The following EEF1E1 variants were observed in gnomAD, a reference collection of about 807,000 sequenced individuals.
EEF1E1 encodes the protein eukaryotic translation elongation factor 1 epsilon 1.
EEF1E1 carries 19 observed loss-of-function variants against 19.9 expected under a neutral mutation model. The observed-to-expected ratio is 0.95, with a 90% CI of 0.66 to 1.40. The LOEUF (loss-of-function observed/expected upper bound fraction) is 1.40, where lower values mean the gene tolerates loss of function less well. Among genes scored for constraint, EEF1E1 ranks in the 40% most tolerant of loss-of-function variants. The pLI, the probability that EEF1E1 is intolerant of heterozygous loss-of-function variation, is 0.00. For synonymous variants in EEF1E1, 81 were observed against 80.0 expected (o/e 1.01, Z -0.07); for missense variants, 198 against 202.2 (o/e 0.98, Z 0.13).
chr6:8,080,181 G>A, intron 3 of EEF1E1, 151 bp from the exon 4 acceptor site: 1 of 815,582 alleles, frequency 1.2e-6, no homozygotes, highest in Non-Finnish European at 1.9e-6. Flanking sequence ...AGGAGTAAAA[G>A]TTTCAGCCCA....
At chr6:8,088,937 C>A (rs923576382) in intron 3 of EEF1E1, among the ~76,000 whole-genome samples, 1 of 143,572 alleles carries the variant, frequency 7.0e-6, no homozygotes, top group Non-Finnish European at 1.5e-5. Context: ...TTGGAAGTAT[C>A]CCTGGGAGAA....
At chr6:8,101,777 C>T (rs2113673496) in intron 1 of EEF1E1, 1 of 1,289,372 alleles carries the variant, frequency 7.8e-7, no homozygotes, top group Admixed American at 2.3e-5. Context: ...TGTGATGTTT[C>T]CCGCATTCAC....
rs775855701 is a variant in EEF1E1 at position 8,079,736 on chromosome 6, T to G, written c.*154A>C. On this transcript the variant is annotated 3_prime_UTR_variant, in exon 4 of 4. Transcript: ENST00000379715. ...TGCAAAACTTCAGCTAAAGAACAAA[T>G]AAAACATTCAGACACAAGTTTACAC... 3.7e-5 allele frequency: 48 copies of G among 1,289,586 alleles called. No individual in the cohort carries two copies. Among genetic ancestry groups the G allele is most frequent in the Non-Finnish European group, 4.3e-5 (44 of 1,016,004 alleles). 79.9% of individuals were successfully genotyped at this position (1,289,586 alleles called of 1,614,324 possible). A position where few individuals can be genotyped will look rare whatever the true frequency, so the allele number is the denominator to read the frequency against.
At chr6:8,100,944 G>A (rs1329104917) in intron 1 of EEF1E1, among the ~76,000 whole-genome samples, 1 of 147,704 alleles carries the variant, frequency 6.8e-6, no homozygotes, top group South Asian at 2.2e-4. Context: ...ATATAAACTA[G>A]GCCAGGCACA....
At chr6:8,088,491 C>G (rs1757928623) in intron 3 of EEF1E1, among the ~76,000 whole-genome samples, 1 of 152,138 alleles carries the variant, frequency 6.6e-6, no homozygotes, top group Non-Finnish European at 1.5e-5. Context: ...GTGAATAAGT[C>G]TCATGAGATC....
At chr6:8,073,549 G>T in intron 3 of EEF1E1, 2 of 1,551,250 alleles carry the variant, frequency 1.3e-6, no homozygotes, top group Admixed American at 3.9e-5. Flanking sequence ...TTCACTTAAA[G>T]CACTTAGAAT....
intron 3 of EEF1E1, among the ~76,000 whole-genome samples, chr6:8,081,828 C>T (rs1373338440): frequency 6.6e-6 from 1 of 152,214 alleles, no homozygotes; most frequent in East Asian, 1.9e-4. Flanking sequence ...TTTACTCCAA[C>T]TTGATTTCAT....
chr6:8,092,014 T>C (rs1237066558), intron 2 of EEF1E1, among the ~76,000 whole-genome samples: 4 of 152,212 alleles, frequency 2.6e-5, no homozygotes, highest in Admixed American at 6.5e-5. Context: ...ATGCAGTGTC[T>C]GGTAAGGGCT....
chr6:8,097,719 TATA>T (rs1758212784), intron 1 of EEF1E1, among the ~76,000 whole-genome samples: 1 of 152,190 alleles, frequency 6.6e-6, no homozygotes, highest in Non-Finnish European at 1.5e-5. Flanking sequence ...CAATAATCAG[TATA>T]ATATTACTAC....
At chr6:8,102,243 C>T (rs1203276261) in intron 1 of EEF1E1, 192 bp downstream of exon 1, 1 of 538,940 alleles carries the variant, frequency 1.9e-6, no homozygotes, top group East Asian at 1.5e-4. Flanking sequence ...TGGTTAACCC[C>T]TCCCTCCAGG....
At position 8,102,530 on chromosome 6, in the gene EEF1E1, C is replaced by A. The variant is rs765141019; in HGVS notation, c.-9G>T. The A allele has an allele frequency of 1.2e-5, 19 of 1,609,328 alleles. No homozygotes were observed. Among genetic ancestry groups the A allele is most frequent in the African/African-American group, 2.7e-5 (2 of 74,940 alleles). On this transcript the variant is annotated 5_prime_UTR_variant, in exon 1 of 4. Transcript: ENST00000379715. ...TCTGCGGCCGCCGCCATCTTCCGGCCGTAGCTCCTGGCAGACGCGAGACCT... is the reference window on the plus strand; with the variant it reads ...TCTGCGGCCGCCGCCATCTTCCGGCAGTAGCTCCTGGCAGACGCGAGACCT...
intron 3 of EEF1E1, among the ~76,000 whole-genome samples, chr6:8,087,863 G>A (rs992442356): frequency 1.2e-4 from 18 of 152,302 alleles, no homozygotes; most frequent in African/African-American, 2.9e-4. Context: ...GATGCATGAG[G>A]TGCACAATGC....
intron 3 of EEF1E1, among the ~76,000 whole-genome samples, chr6:8,087,507 C>T (rs112837242): frequency 7.3e-5 from 11 of 150,662 alleles, no homozygotes; most frequent in African/African-American, 1.7e-4. Flanking sequence ...CGTGAGCCAC[C>T]GCGCCCAGCT....
intron 3 of EEF1E1, among the ~76,000 whole-genome samples, chr6:8,087,613 A>G (rs1407471508): frequency 6.6e-6 from 1 of 152,222 alleles, no homozygotes; most frequent in Non-Finnish European, 1.5e-5. Flanking sequence ...TTGGCCTCCC[A>G]AAGTGCTGGG....
At chr6:8,093,646 A>T (rs558660700) in intron 2 of EEF1E1, among the ~76,000 whole-genome samples, 20 of 152,124 alleles carry the variant, frequency 1.3e-4, no homozygotes, top group African/African-American at 4.1e-4. Flanking sequence ...ATAATATCCT[A>T]AAAGGAAGAG....
chr6:8,098,247 G>C (rs1402211334), intron 1 of EEF1E1, among the ~76,000 whole-genome samples: 2 of 151,854 alleles, frequency 1.3e-5, no homozygotes, highest in African/African-American at 4.8e-5. Flanking sequence ...AGCCTCCCAA[G>C]TATCTGGGAC....
At chr6:8,089,278 T>C (rs1757950694) in intron 3 of EEF1E1, among the ~76,000 whole-genome samples, 1 of 151,884 alleles carries the variant, frequency 6.6e-6, no homozygotes, top group South Asian at 2.1e-4. Context: ...CACTAAGAGA[T>C]CAAAAGAGCT....
chr6:8,079,976 A>G lies in EEF1E1; in HGVS notation c.439T>C (p.Cys147Arg), dbSNP rs1757686729. 1.9e-6 allele frequency: 3 copies of G among 1,613,642 alleles called. No homozygotes were observed. Among genetic ancestry groups the G allele is most frequent in the Non-Finnish European group, 2.5e-6 (3 of 1,179,954 alleles). ...EKYLNVSRWF[C>R]HIQHYPGIRQ... is the part of the protein sequence containing the mutation. ...ATGCCTGGATAATGCTGAATGTGAC[A>G]AAACCAGCGAGACACATTAAGATAT... The change falls in exon 4 of 4, where the codon TGT (cysteine) becomes CGT (arginine). Residue 147 changes from cysteine (C) to arginine (R), a missense_variant. Transcript: ENST00000379715.
downstream of EEF1E1, among the ~76,000 whole-genome samples, chr6:8,076,949 T>G (rs547177413): frequency 1.7e-3 from 226 of 133,948 alleles, 2 homozygotes; most frequent in African/African-American, 6.3e-3. Context: ...TTGTTTTTGT[T>G]TTTTTTTTTT....
Sources: gnomAD v4.1 joint callset for allele counts (sites outside exome capture counted in the v4.1 genomes callset) on GRCh38, gnomAD v4.1.1 for gene constraint, MANE v1.5 for transcripts, NCBI Gene and HGNC (gene_info 2026-07-23, HGNC 2026-07-21) for gene names.